CMIP: variants seen among roughly 807,000 people sequenced by gnomAD.
CMIP encodes the protein C-Maf-inducing protein.
A neutral mutation model predicts 97.3 loss-of-function variants in CMIP; 13 were observed. The ratio of observed to expected loss-of-function variants is 0.13; its 90% CI spans 0.09 to 0.21. CMIP has a LOEUF of 0.21. CMIP is among the 10% of genes least tolerant of loss of function. The probability of loss-of-function intolerance (pLI) is 1.00; values close to 1 mark genes in which losing one functional copy is unlikely to be tolerated. For synonymous variants in CMIP, 538 were observed against 436.3 expected (o/e 1.23, Z -2.91); for missense variants, 847 against 1,024.9 (o/e 0.83, Z 2.37).
chr16:81,452,857 GT>G (rs1906305674), intron 1 of CMIP, among the ~76,000 whole-genome samples: 1 of 128,540 alleles, frequency 7.8e-6, no homozygotes, highest in East Asian at 2.4e-4. Context: ...TCTGTTGTGT[GT>G]TTTTTCTTTT....
At chr16:81,637,234 C>T in intron 3 of CMIP, among the ~76,000 whole-genome samples, 1 of 152,124 alleles carries the variant, frequency 6.6e-6, no homozygotes, top group Non-Finnish European at 1.5e-5. Context: ...CCATGCCCAG[C>T]TAATTTTTTT....
intron 1 of CMIP, among the ~76,000 whole-genome samples, chr16:81,577,152 C>A (rs978387901): frequency 6.9e-6 from 1 of 145,826 alleles, no homozygotes; most frequent in Non-Finnish European, 1.5e-5. Context: ...CACCATCATC[C>A]CCATTACCAC....
At chr16:81,540,306 A>G (rs1157819325) in intron 1 of CMIP, among the ~76,000 whole-genome samples, 2 of 152,096 alleles carry the variant, frequency 1.3e-5, no homozygotes, top group African/African-American at 4.8e-5. Flanking sequence ...GATCCGTGAG[A>G]TGGGCTTGCT....
chr16:81,531,945 A>G (rs2090244326), intron 1 of CMIP, among the ~76,000 whole-genome samples: 1 of 152,246 alleles, frequency 6.6e-6, no homozygotes, highest in South Asian at 2.1e-4. Flanking sequence ...TGTCTTCTAA[A>G]TGAAATGATT....
chr16:81,517,426 T>C (rs146573577), intron 1 of CMIP, among the ~76,000 whole-genome samples: 1 of 152,384 alleles, frequency 6.6e-6, no homozygotes, highest in East Asian at 1.9e-4. Flanking sequence ...AGACATGTTA[T>C]TGTCTAAGAC....
chr16:81,693,579 A>G, intron 13 of CMIP, 92 bp downstream of exon 13: 1 of 1,376,664 alleles, frequency 7.3e-7, no homozygotes, highest in Non-Finnish European at 9.9e-7. Context: ...CTTGTCACCA[A>G]CAGGCATTCA....
intron 1 of CMIP, among the ~76,000 whole-genome samples, chr16:81,493,975 GT>G (rs1021446238): frequency 6.6e-6 from 1 of 152,070 alleles, no homozygotes; most frequent in Admixed American, 6.6e-5. Flanking sequence ...TTTATTAGCC[GT>G]TTTTTTAAAA....
At chr16:81,594,124 C>T (rs1436599150) in intron 1 of CMIP, among the ~76,000 whole-genome samples, 1 of 138,192 alleles carries the variant, frequency 7.2e-6, no homozygotes, top group Non-Finnish European at 1.6e-5. Context: ...TCTCCCCCCT[C>T]CTCCCTTTTT....
chr16:81,622,573 C>G (rs1472808216), intron 3 of CMIP, among the ~76,000 whole-genome samples: 1 of 152,158 alleles, frequency 6.6e-6, no homozygotes, highest in Non-Finnish European at 1.5e-5. Context: ...CAGAAAGTGA[C>G]AGCCTTGCAT....
chr16:81,479,015 A>G (rs1399284658), intron 1 of CMIP, among the ~76,000 whole-genome samples: 1 of 152,210 alleles, frequency 6.6e-6, no homozygotes, highest in South Asian at 2.1e-4. Flanking sequence ...CTGGACGCCT[A>G]GGAGAAGCCG....
rs370165877 is a variant in CMIP at position 81,660,928 on chromosome 16, C to T, written c.726C>T (p.Leu242=). The change falls in exon 6 of 21, where the codon CTC becomes CTT. Residue 242 remains leucine (L), a synonymous_variant. Coordinates refer to ENST00000537098, the MANE Select transcript of CMIP (RefSeq NM_198390.3). The stretch of plus-strand genomic sequence containing the variant: ...AAAACAACCACCCACCACCAGATCT[C>T]TGTGAATTCTTTTGCAAGGTACGGG... ...LLENNHPPPD[L]CEFFCKHCRE... 6.2e-7 allele frequency: 1 copy of T among 1,613,908 alleles called. No homozygotes were observed. Among genetic ancestry groups the T allele is most frequent in the African/African-American group, 1.3e-5 (1 of 74,926 alleles).
chr16:81,699,278 G>A (rs959548335), intron 14 of CMIP, among the ~76,000 whole-genome samples: 1 of 152,110 alleles, frequency 6.6e-6, no homozygotes, highest in African/African-American at 2.4e-5. Context: ...AATAGCAAGG[G>A]CTACATTTGT....
At chr16:81,505,484 A>T (rs1018361951) in intron 1 of CMIP, among the ~76,000 whole-genome samples, 4 of 152,216 alleles carry the variant, frequency 2.6e-5, no homozygotes, top group Non-Finnish European at 5.9e-5. Context: ...CCAGAGCCTC[A>T]GCTGGGACCT....
intron 1 of CMIP, among the ~76,000 whole-genome samples, chr16:81,585,668 C>G (rs989480471): frequency 7.9e-6 from 1 of 127,116 alleles, no homozygotes; most frequent in Non-Finnish European, 1.8e-5. Context: ...GCAGACACCG[C>G]ATGGCACAGT....
intron 7 of CMIP, among the ~76,000 whole-genome samples, chr16:81,669,647 TCACACCTTCCACACCCACCTCACA>T (rs2151037928): frequency 8.9e-6 from 1 of 112,860 alleles, no homozygotes; most frequent in East Asian, 3.1e-4. Context: ...CACACCCACC[TCACACCTTCCACACCCACCTCACA>T]CTCACCTCCT....
intron 1 of CMIP, among the ~76,000 whole-genome samples, chr16:81,492,036 T>C (rs1013662020): frequency 2.0e-5 from 3 of 152,216 alleles, no homozygotes; most frequent in Non-Finnish European, 2.9e-5. Context: ...TCTTCCTCAA[T>C]AGAGTGTGCC....
intron 1 of CMIP, among the ~76,000 whole-genome samples, chr16:81,451,990 C>G (rs1007341064): frequency 9.9e-5 from 15 of 152,220 alleles, no homozygotes; most frequent in African/African-American, 3.6e-4. Flanking sequence ...AGAGCCCTAA[C>G]CGAAGGGTGA....
intron 1 of CMIP, among the ~76,000 whole-genome samples, chr16:81,448,018 A>G (rs1419966741): frequency 1.3e-5 from 2 of 152,248 alleles, no homozygotes; most frequent in African/African-American, 2.4e-5. Flanking sequence ...CAAGCACTCT[A>G]TTGAGAAATA....
intron 1 of CMIP, among the ~76,000 whole-genome samples, chr16:81,603,237 G>A (rs867885200): frequency 2.6e-5 from 4 of 151,968 alleles, no homozygotes; most frequent in East Asian, 1.9e-4. Flanking sequence ...CCGCCACCAC[G>A]CCTGGCTCGT....
Sources: allele counts gnomAD v4.1 joint callset (sites outside exome capture counted in the v4.1 genomes callset), GRCh38; gene constraint gnomAD v4.1.1; transcripts MANE v1.5; gene names NCBI Gene and HGNC (gene_info 2026-07-23, HGNC 2026-07-21).